TOGARAM1: variants seen among roughly 807,000 people sequenced by gnomAD.
TOGARAM1 encodes TOG array regulator of axonemal microtubules protein 1.
TOGARAM1 carries 100 observed loss-of-function variants against 166.6 expected under a neutral mutation model. That is an observed-to-expected ratio of 0.60 (90% CI 0.51 to 0.71). The LOEUF (loss-of-function observed/expected upper bound fraction) is 0.71. TOGARAM1 is among the 30% of genes least tolerant of loss of function. The pLI, the probability that TOGARAM1 is intolerant of heterozygous loss-of-function variation, is 0.00. For missense variants in TOGARAM1, 2,029 were observed against 2,102.7 expected (o/e 0.96, Z 0.69); for synonymous variants, 758 against 763.8 (o/e 0.99, Z 0.13).
chr14:45,030,312 A>G (rs1447908239), intron 10 of TOGARAM1, among the ~76,000 whole-genome samples: 1 of 152,152 alleles, frequency 6.6e-6, no homozygotes, highest in Non-Finnish European at 1.5e-5. Context: ...CTAATGAGTT[A>G]TTGTTTCATG....
At chr14:44,996,004 C>A in intron 2 of TOGARAM1, 102 bp downstream of exon 2, 3 of 845,072 alleles carry the variant, frequency 3.5e-6, no homozygotes, top group South Asian at 2.6e-5. Flanking sequence ...GTAGGCAGTT[C>A]AGATTCAATA....
intron 7 of TOGARAM1, among the ~76,000 whole-genome samples, chr14:45,016,621 T>A (rs1244921537): frequency 6.6e-6 from 1 of 152,120 alleles, no homozygotes; most frequent in Non-Finnish European, 1.5e-5. Flanking sequence ...GGCCTTGAAC[T>A]CCTGGGCCCA....
chr14:45,015,793 C>T (rs1880097892), intron 7 of TOGARAM1, among the ~76,000 whole-genome samples: 1 of 152,102 alleles, frequency 6.6e-6, no homozygotes, highest in Non-Finnish European at 1.5e-5. Flanking sequence ...AGCCAGGAAG[C>T]ATGATTCCAG....
intron 7 of TOGARAM1, among the ~76,000 whole-genome samples, chr14:45,021,773 A>G (rs1244643188): frequency 6.6e-6 from 1 of 152,088 alleles, no homozygotes; most frequent in Non-Finnish European, 1.5e-5. Context: ...ATACCATGTC[A>G]CCAGGGTGGA....
chr14:44,965,019 AT>A (rs1176667619), intron 1 of TOGARAM1, among the ~76,000 whole-genome samples: 24 of 151,308 alleles, frequency 1.6e-4, no homozygotes, highest in Non-Finnish European at 2.4e-4. Flanking sequence ...TTGAACTGAG[AT>A]TTTCCCCCCA....
intron 13 of TOGARAM1, among the ~76,000 whole-genome samples, chr14:45,045,684 C>CATATATACACATATATATGTGTAT (rs1307154122): frequency 8.8e-4 from 77 of 87,386 alleles, no homozygotes; most frequent in East Asian, 1.6e-3. Flanking sequence ...TATATATACA[C>CATATATACACATATATATGTGTAT]ATATATACAC....
chr14:45,019,728 G>A (rs770675494), intron 7 of TOGARAM1, among the ~76,000 whole-genome samples: 1 of 152,200 alleles, frequency 6.6e-6, no homozygotes, highest in Non-Finnish European at 1.5e-5. Flanking sequence ...CAAGCCCCGT[G>A]TTTAAAGGTG....
At chr14:45,066,457 G>GT (rs1193486916) in intron 16 of TOGARAM1, 121 bp from the exon 17 acceptor site, 6 of 883,892 alleles carry the variant, frequency 6.8e-6, no homozygotes, top group Non-Finnish European at 8.3e-6. Flanking sequence ...GTTAGCCACA[G>GT]TTTTTTGCAT....
At chr14:44,978,541 A>G (rs1431145567) in intron 1 of TOGARAM1, among the ~76,000 whole-genome samples, 1 of 152,226 alleles carries the variant, frequency 6.6e-6, no homozygotes, top group Non-Finnish European at 1.5e-5. Flanking sequence ...GCAGTGGCAC[A>G]TGCCTGTAAT....
chr14:45,009,920 T>C (rs1055829635), intron 6 of TOGARAM1, among the ~76,000 whole-genome samples: 3 of 152,184 alleles, frequency 2.0e-5, no homozygotes, highest in African/African-American at 7.2e-5. Flanking sequence ...ATTTAACTTT[T>C]TAAGTAACTG....
chr14:44,988,624 A>T (rs1019942099), intron 1 of TOGARAM1, among the ~76,000 whole-genome samples: 2 of 152,204 alleles, frequency 1.3e-5, no homozygotes, highest in African/African-American at 4.8e-5. Flanking sequence ...GTTTTCATAA[A>T]TTCTTTGAGA....
At chr14:45,045,597 G>A (rs1287758432) in intron 13 of TOGARAM1, among the ~76,000 whole-genome samples, 74 of 71,692 alleles carry the variant, frequency 1.0e-3, no homozygotes, top group African/African-American at 3.6e-3. Flanking sequence ...GTGTGTGTGT[G>A]TGTGTGTGTG....
At position 44,962,688 on chromosome 14, in the gene TOGARAM1, G is replaced by T. The variant is rs774425592; in HGVS notation, c.267G>T (p.Leu89Phe). Residue 89 changes from leucine (L) to phenylalanine (F), a missense_variant, in exon 1 of 20, where the codon TTG becomes TTT. Transcript: ENST00000361462. The part of the protein sequence containing the change: ...SSSWSESGGG[L>F]SGGDEEDTRL... ...GCTGGTCTGAGTCTGGAGGCGGTTTGTCAGGGGGAGATGAAGAGGACACTC... is the reference window on the plus strand; with the variant it reads ...GCTGGTCTGAGTCTGGAGGCGGTTTTTCAGGGGGAGATGAAGAGGACACTC... The T allele has an allele frequency of 6.2e-7, 1 of 1,614,216 alleles. No homozygotes were observed. Among genetic ancestry groups the T allele is most frequent in the Admixed American group, 1.7e-5 (1 of 60,036 alleles).
At chr14:45,011,881 C>A in intron 6 of TOGARAM1, 94 bp from the exon 7 acceptor site, 1 of 832,622 alleles carries the variant, frequency 1.2e-6, no homozygotes, top group Non-Finnish European at 1.9e-6. Context: ...TCTAAAAGGT[C>A]TGTGAGTTAA....
chr14:45,027,370 G>T lies in TOGARAM1; in HGVS notation c.3400G>T (p.Asp1134Tyr). Residue 1134 changes from aspartate to tyrosine, a missense_variant, in exon 9 of 20, where the codon GAT becomes TAT. Physicochemically the swap from Asp to Tyr is radical, Grantham distance 160. This residue lies in a region of TOGARAM1 where 1,453 missense variants were observed against 1,432.2 expected (regional missense o/e 1.01). Transcript: ENST00000361462. ...QSVISSVENG[D>Y]TFSIKQSIEP... ...AGTGATATCTTCTGTGGAAAATGGG[G>T]ATACATTTTCAATTAAACAAAGTAT... 6.2e-7 allele frequency: 1 copy of T among 1,613,316 alleles called. No individual in the cohort carries two copies. The highest frequency in any genetic ancestry group is 2.2e-5 in the East Asian group (1 of 44,806).
At position 45,024,563 on chromosome 14, in the gene TOGARAM1, C is replaced by G. The variant is rs1326823805; in HGVS notation, c.3239-1220C>G. Among the ~76,000 whole-genome samples, 8 of 152,176 alleles carry G rather than the reference C, an allele frequency of 5.3e-5. No individual in the cohort carries two copies. In the East Asian group the frequency reaches 1.4e-3, roughly 26 times the overall value. On this transcript the variant is annotated intron_variant, in intron 7 of 19. Coordinates refer to ENST00000361462, the MANE Select transcript of TOGARAM1 (RefSeq NM_001308120.2). Reference sequence around the variant, plus strand: ...TTTATATTTTTTTGATGAGATTTGTCTGATCATTCGTCTCTTGATAGTTTA... The same window carrying G: ...TTTATATTTTTTTGATGAGATTTGTGTGATCATTCGTCTCTTGATAGTTTA...
At chr14:45,066,176 A>G (rs1196514608) in intron 16 of TOGARAM1, among the ~76,000 whole-genome samples, 4 of 152,172 alleles carry the variant, frequency 2.6e-5, no homozygotes, top group Non-Finnish European at 4.4e-5. Flanking sequence ...CTTAGTAGAC[A>G]ACATTTCACA....
In TOGARAM1 at chr14:45,071,774, C is replaced by T; in HGVS notation, c.5032C>T (p.Gln1678Ter). 1 of 1,611,764 alleles carries T rather than the reference C, an allele frequency of 6.2e-7. No individual in the cohort carries two copies. Among genetic ancestry groups the T allele is most frequent in the Non-Finnish European group, 8.5e-7 (1 of 1,179,284 alleles). Residue 1678 changes from glutamine (Q) to a stop codon, truncating the protein, a stop_gained, in exon 19 of 20, where the codon CAG (glutamine) becomes TAG (stop). Transcript: ENST00000361462. LOFTEE classifies it high-confidence loss of function. ...TCAGTTTTTAAATGGAAAAGCAAAACAGGACATGACGGAAAAGCTTGCTGG... is the reference window on the plus strand; with the variant it reads ...TCAGTTTTTAAATGGAAAAGCAAAATAGGACATGACGGAAAAGCTTGCTGG... ...KAQFLNGKAK[Q>*]DMTEKLADIV...
In TOGARAM1 at chr14:45,017,878, T is replaced by G. The variant is rs542404569; in HGVS notation, c.3238+5803T>G. On this transcript the variant is annotated intron_variant, in intron 7 of 19. Transcript: ENST00000361462. ...CCTGGGTGACAAGTGAAACTCTGTCTCAAACAAAAAAGGAAAAAAAGAACC... is the reference window on the plus strand; with the variant it reads ...CCTGGGTGACAAGTGAAACTCTGTCGCAAACAAAAAAGGAAAAAAAGAACC... Among the ~76,000 whole-genome samples the G allele has an allele frequency of 2.0e-3, 300 of 152,178 alleles. 4 individuals carry two copies. Among genetic ancestry groups the G allele is most frequent in the African/African-American group, 6.6e-3 (273 of 41,522 alleles).
Sources: allele counts gnomAD v4.1 joint callset (sites outside exome capture counted in the v4.1 genomes callset), GRCh38; gene constraint gnomAD v4.1.1; regional missense constraint gnomAD v4.1.1; transcripts MANE v1.5; gene names NCBI Gene and HGNC (gene_info 2026-07-23, HGNC 2026-07-21).